The following ELF2 variants were observed in gnomAD, a reference collection of about 807,000 sequenced individuals.
ELF2 encodes E74 like ETS transcription factor 2, also known as ETS-related transcription factor Elf-2.
Under a neutral mutation model 54.8 loss-of-function variants are expected in ELF2, and 11 were observed. The observed-to-expected ratio is 0.20, with a 90% CI of 0.13 to 0.33. The LOEUF (loss-of-function observed/expected upper bound fraction) is 0.33. Ranked by LOEUF, ELF2 falls within the 10% of genes least tolerant of loss-of-function variation. The probability of loss-of-function intolerance (pLI) is 1.00; values close to 1 mark genes in which losing one functional copy is unlikely to be tolerated. For missense variants in ELF2, 513 were observed against 703.0 expected, an observed-to-expected ratio of 0.73 and a Z score of 3.06; for synonymous variants, 203 against 245.1, an observed-to-expected ratio of 0.83 and a Z score of 1.61.
intron 1 of ELF2, among the ~76,000 whole-genome samples, chr4:139,166,654 G>C (rs1300427156): frequency 6.6e-6 from 1 of 152,136 alleles, no homozygotes; most frequent in Non-Finnish European, 1.5e-5. Context: ...GGATCACAAG[G>C]TCAGGAGATC....
chr4:139,121,997 A>G (rs760539858), intron 4 of ELF2, among the ~76,000 whole-genome samples: 1 of 152,238 alleles, frequency 6.6e-6, no homozygotes, highest in Non-Finnish European at 1.5e-5. Flanking sequence ...GCAAATCATA[A>G]TATGATTTTA....
At chr4:139,175,982 G>C (rs1742873443) in intron 1 of ELF2, among the ~76,000 whole-genome samples, 1 of 152,166 alleles carries the variant, frequency 6.6e-6, no homozygotes, top group Non-Finnish European at 1.5e-5. Context: ...GTCCTTTATG[G>C]ACATGGAATA....
intron 3 of ELF2, 86 bp from the exon 4 acceptor site, chr4:139,125,415 G>C (rs911037888): frequency 6.7e-7 from 1 of 1,482,874 alleles, no homozygotes; most frequent in African/African-American, 1.4e-5. Flanking sequence ...ATACAGTCTC[G>C]AGCAGTCCAC....
intron 4 of ELF2, among the ~76,000 whole-genome samples, chr4:139,113,637 T>C (rs539501947): frequency 1.6e-4 from 24 of 152,050 alleles, no homozygotes; most frequent in Non-Finnish European, 2.9e-4. Context: ...ATCGAGTCAC[T>C]TGATGTCAGG....
In ELF2 at chr4:139,134,309, G is replaced by T. The variant is rs769566028; in HGVS notation, c.72+3321C>A. ...GGGATTAAAAAAAAAATTGATTATG[G>T]CATTCTACCATTTATACACTGCTAG... On this transcript the variant is annotated intron_variant, in intron 3 of 9. Coordinates refer to ENST00000686138, the MANE Select transcript of ELF2 (RefSeq NM_001331036.3). Among the ~76,000 whole-genome samples, 4 of 151,518 alleles carry T rather than the reference G, an allele frequency of 2.6e-5. No individual in the cohort carries two copies. The East Asian group carries it at 5.8e-4, about 22-fold the overall frequency.
chr4:139,091,094 C>G (rs1422231447), intron 4 of ELF2, among the ~76,000 whole-genome samples: 1 of 152,030 alleles, frequency 6.6e-6, no homozygotes, highest in East Asian at 1.9e-4. Flanking sequence ...CCACCATGCC[C>G]GGCTAATTTT....
In ELF2 at chr4:139,060,469, G is replaced by C. The variant is rs191145552; in HGVS notation, c.1012C>G (p.Arg338Gly). The part of the protein sequence containing the change: ...ESLLKAASSV[R>G]SGKNSSPINC... The stretch of plus-strand genomic sequence containing the variant: ...ATAGGGGATGAATTTTTTCCACTGC[G>C]AACAGAGGATGCTGCTTTCAGGAGA... The change falls in exon 9 of 10, where the codon CGC (arginine) becomes GGC (glycine). Residue 338 changes from arginine (R) to glycine (G), a missense_variant. Physicochemically the swap from Arg to Gly is moderately radical, Grantham distance 125 (BLOSUM62 -2). This residue lies in a region of ELF2 where 291 missense variants were observed against 366.1 expected (regional missense o/e 0.79). Transcript: ENST00000686138. 2 of 1,614,136 alleles carry C rather than the reference G, an allele frequency of 1.2e-6. No homozygotes were observed. The highest frequency in any genetic ancestry group is 3.3e-5 in the Admixed American group (2 of 60,016).
intron 6 of ELF2, among the ~76,000 whole-genome samples, chr4:139,070,063 G>C (rs1438240706): frequency 6.6e-6 from 1 of 150,978 alleles, no homozygotes; most frequent in African/African-American, 2.4e-5. Flanking sequence ...GGCTGGTCTT[G>C]AACTCCTGAG....
intron 4 of ELF2, among the ~76,000 whole-genome samples, chr4:139,083,289 T>G (rs561515202): frequency 6.6e-6 from 1 of 152,086 alleles, no homozygotes; most frequent in Non-Finnish European, 1.5e-5. Context: ...TTTACAAAAA[T>G]AAATGTTCTT....
rs1382714451 is a variant in ELF2 at position 139,114,891 on chromosome 4, T to C, written c.238+10273A>G. The C allele has an allele frequency of 1.9e-6, 3 of 1,609,226 alleles. No individual in the cohort carries two copies. The African/African-American group carries it at 4.0e-5, about 22-fold the overall frequency. On this transcript the variant is annotated intron_variant, in intron 4 of 9. Transcript: ENST00000686138. Reference sequence around the variant, plus strand: ...TGCTACGAGGTTGGGGGGCAGCGATTGTCCTGTGGGAACCACCGTTCTCCT... The same window carrying C: ...TGCTACGAGGTTGGGGGGCAGCGATCGTCCTGTGGGAACCACCGTTCTCCT...
intron 4 of ELF2, among the ~76,000 whole-genome samples, chr4:139,087,273 T>C (rs1458494961): frequency 1.3e-5 from 2 of 152,210 alleles, no homozygotes; most frequent in Non-Finnish European, 2.9e-5. Context: ...TAGTCATTAA[T>C]TAATTCAGTA....
intron 1 of ELF2, among the ~76,000 whole-genome samples, chr4:139,164,554 T>A (rs771071340): frequency 5.3e-5 from 8 of 152,160 alleles, no homozygotes; most frequent in Non-Finnish European, 2.9e-5. Flanking sequence ...GGAGAATCAC[T>A]TGAACCTGGG....
At chr4:139,080,004 T>G (rs1339710540) in intron 4 of ELF2, among the ~76,000 whole-genome samples, 1 of 152,254 alleles carries the variant, frequency 6.6e-6, no homozygotes, top group Non-Finnish European at 1.5e-5. Flanking sequence ...AAGCTCTTCT[T>G]AAGCATTTCT....
At chr4:139,093,065 A>G (rs1183003767) in intron 4 of ELF2, among the ~76,000 whole-genome samples, 9 of 149,278 alleles carry the variant, frequency 6.0e-5, no homozygotes, top group African/African-American at 2.2e-4. Context: ...TCCCGGGTTC[A>G]CGCCATCCTC....
At chr4:139,098,085 C>G (rs780339299) in intron 4 of ELF2, among the ~76,000 whole-genome samples, 7 of 152,214 alleles carry the variant, frequency 4.6e-5, no homozygotes, top group Non-Finnish European at 7.4e-5. Flanking sequence ...ACATACATAA[C>G]TAAAAAATGT....
At chr4:139,100,531 A>C (rs190498182) in intron 4 of ELF2, 1 of 152,276 alleles carries the variant, frequency 6.6e-6, no homozygotes, top group African/African-American at 2.4e-5. Flanking sequence ...AAGGTTGCCT[A>C]AGGAGAGGTG....
chr4:139,105,568 C>G (rs770410064), intron 4 of ELF2, among the ~76,000 whole-genome samples: 1 of 152,172 alleles, frequency 6.6e-6, no homozygotes, highest in African/African-American at 2.4e-5. Flanking sequence ...TCATTTCCAA[C>G]ACTCTAGGGA....
chr4:139,165,598 G>A (rs1221840878), intron 1 of ELF2, among the ~76,000 whole-genome samples: 1 of 152,128 alleles, frequency 6.6e-6, no homozygotes, highest in Non-Finnish European at 1.5e-5. Flanking sequence ...CAGAGGCAGA[G>A]GTTACAGTAA....
chr4:139,070,606 C>T (rs1011288106), intron 6 of ELF2, among the ~76,000 whole-genome samples: 1 of 152,134 alleles, frequency 6.6e-6, no homozygotes, highest in Non-Finnish European at 1.5e-5. Flanking sequence ...TCTAAACAAA[C>T]ATTTCCTAAG....
Sources: gnomAD v4.1 joint callset for allele counts (sites outside exome capture counted in the v4.1 genomes callset) on GRCh38, gnomAD v4.1.1 for gene constraint, gnomAD v4.1.1 regional missense constraint, MANE v1.5 for transcripts, NCBI Gene and HGNC (gene_info 2026-07-23, HGNC 2026-07-21) for gene names.